Variants in KLHL32 observed in about 807,000 individuals in gnomAD.
The protein encoded by KLHL32 is kelch like family member 32, also known as kelch-like protein 32.
In KLHL32, 35 loss-of-function variants were observed where a neutral mutation model predicts 64.8. The observed-to-expected ratio is 0.54, with a 90% confidence interval of 0.41 to 0.72. KLHL32 has a LOEUF of 0.72. Ranked by LOEUF, KLHL32 falls within the 30% of genes least tolerant of loss-of-function variation. KLHL32 has a pLI of 0.00. For synonymous variants in KLHL32, 259 were observed against 281.0 expected, an observed-to-expected ratio of 0.92 and a Z score of 0.78; for missense variants, 589 against 768.5, an observed-to-expected ratio of 0.77 and a Z score of 2.76.
chr6:97,040,784 T>C (rs1784997051), intron 3 of KLHL32, among the ~76,000 whole-genome samples: 1 of 152,176 alleles, frequency 6.6e-6, no homozygotes, highest in Non-Finnish European at 1.5e-5. Flanking sequence ...ATTTCCCCCA[T>C]GCTGTTCTCA....
chr6:97,039,234 C>T (rs1784755961), intron 3 of KLHL32, among the ~76,000 whole-genome samples: 1 of 152,058 alleles, frequency 6.6e-6, no homozygotes, highest in East Asian at 1.9e-4. Flanking sequence ...TCATTTGCAG[C>T]AATGTGGATG....
At chr6:96,907,210 G>A in the KLHL32 span, among the ~76,000 whole-genome samples, 1 of 152,050 alleles carries the variant, frequency 6.6e-6, no homozygotes, top group Admixed American at 6.6e-5. Context: ...AAATGTGTAG[G>A]GTTTAGTACA....
Position 97,130,717 on chromosome 6 carries a change from G to T in KLHL32, c.1414-40G>T, listed in dbSNP as rs145941320. On this transcript the variant is annotated intron_variant, in intron 8 of 10. Transcript: ENST00000369261. The stretch of plus-strand genomic sequence containing the variant: ...CTCGTTGCTGTTTTCTGACATGGAG[G>T]TCTCCTACTAACAGAATACACTTAA... 361 of 1,529,686 alleles carry T rather than the reference G, an allele frequency of 2.4e-4. 1 individual carries two copies. The Middle Eastern group carries it at 2.5e-3, about 10-fold the overall frequency. 94.8% of individuals were successfully genotyped at this position (1,529,686 alleles called of 1,614,324 possible).
intron 1 of KLHL32, among the ~76,000 whole-genome samples, chr6:96,956,935 C>T (rs1773348465): frequency 6.6e-6 from 1 of 152,124 alleles, no homozygotes; most frequent in South Asian, 2.1e-4. Flanking sequence ...AAATACACCT[C>T]CAATTTTAGA....
chr6:96,966,968 C>T, intron 1 of KLHL32, 28 bp from the exon 2 acceptor site: 2 of 1,158,570 alleles, frequency 1.7e-6, no homozygotes, highest in South Asian at 1.3e-5. Context: ...TAGCTCAATG[C>T]ACCCTTTTCT....
chr6:97,026,457 G>T (rs1243301939), intron 3 of KLHL32, among the ~76,000 whole-genome samples: 3 of 152,164 alleles, frequency 2.0e-5, no homozygotes, highest in Non-Finnish European at 2.9e-5. Context: ...TTAGGAAGGT[G>T]CCAGGGAAAT....
chr6:97,127,364 T>C (rs1176690741), intron 7 of KLHL32, 40 bp from the exon 8 acceptor site: 4 of 1,518,822 alleles, frequency 2.6e-6, no homozygotes, highest in Middle Eastern at 1.7e-4. Flanking sequence ...ATCCTATTTT[T>C]TATTCATGAA....
intron 10 of KLHL32, among the ~76,000 whole-genome samples, chr6:97,138,640 T>A (rs1167934654): frequency 6.6e-6 from 1 of 152,168 alleles, no homozygotes; most frequent in Admixed American, 6.5e-5. Flanking sequence ...CAGAATCGAC[T>A]GAATTTTGAA....
At chr6:96,982,164 A>G (rs1582570474) in intron 3 of KLHL32, among the ~76,000 whole-genome samples, 1 of 152,158 alleles carries the variant, frequency 6.6e-6, no homozygotes, top group Non-Finnish European at 1.5e-5. Flanking sequence ...GAAGTCTCCC[A>G]GTATTATTAT....
chr6:97,001,717 C>G (rs1368215392), intron 3 of KLHL32, among the ~76,000 whole-genome samples: 1 of 152,146 alleles, frequency 6.6e-6, no homozygotes, highest in Non-Finnish European at 1.5e-5. Context: ...AAATGTATTC[C>G]TTTGAAGAAC....
At chr6:96,958,586 G>A (rs776692871) in intron 1 of KLHL32, among the ~76,000 whole-genome samples, 1 of 152,180 alleles carries the variant, frequency 6.6e-6, no homozygotes, top group South Asian at 2.1e-4. Flanking sequence ...AATTTAAGAA[G>A]TTTGACTTTA....
intron 5 of KLHL32, among the ~76,000 whole-genome samples, chr6:97,068,207 A>G (rs1403738188): frequency 6.6e-6 from 1 of 152,154 alleles, no homozygotes; most frequent in East Asian, 1.9e-4. Flanking sequence ...ATTTTGTATC[A>G]CCTTGCCCAA....
At chr6:96,953,774 C>T (rs1267897627) in intron 1 of KLHL32, among the ~76,000 whole-genome samples, 2 of 147,156 alleles carry the variant, frequency 1.4e-5, no homozygotes, top group African/African-American at 5.1e-5. Flanking sequence ...ATGGTTATGA[C>T]AATCTAAATG....
At chr6:96,992,458 T>C (rs1030545355) in intron 3 of KLHL32, among the ~76,000 whole-genome samples, 4 of 152,230 alleles carry the variant, frequency 2.6e-5, no homozygotes, top group Admixed American at 6.5e-5. Context: ...TACTCACTAC[T>C]CTCTTCTCTC....
intron 6 of KLHL32, among the ~76,000 whole-genome samples, chr6:97,096,617 G>A (rs1216399814): frequency 6.6e-6 from 1 of 152,160 alleles, no homozygotes; most frequent in Admixed American, 6.5e-5. Flanking sequence ...CTTTTCCCCA[G>A]ATATTCTTTT....
upstream of KLHL32, among the ~76,000 whole-genome samples, chr6:96,922,340 G>A (rs925873669): frequency 3.3e-5 from 5 of 152,110 alleles, no homozygotes; most frequent in African/African-American, 1.2e-4. Context: ...ATATTATCCT[G>A]TTGTCACTGC....
intron 1 of KLHL32, among the ~76,000 whole-genome samples, chr6:96,952,660 C>T (rs1171912593): frequency 6.6e-6 from 1 of 152,136 alleles, no homozygotes; most frequent in African/African-American, 2.4e-5. Flanking sequence ...GTGAGAGGGG[C>T]CTGAATTCTG....
At chr6:96,898,652 C>G in the KLHL32 span, among the ~76,000 whole-genome samples, 1 of 151,858 alleles carries the variant, frequency 6.6e-6, no homozygotes, top group Non-Finnish European at 1.5e-5. Context: ...TCTTTTTAAG[C>G]CTCTGTGTAA....
chr6:97,063,796 C>A (rs949821901), intron 4 of KLHL32, among the ~76,000 whole-genome samples: 1 of 152,188 alleles, frequency 6.6e-6, no homozygotes, highest in Non-Finnish European at 1.5e-5. Flanking sequence ...TCAGGAAGCA[C>A]TGGGCTGGGG....
Sources: allele counts gnomAD v4.1 joint callset (sites outside exome capture counted in the v4.1 genomes callset), GRCh38; gene constraint gnomAD v4.1.1; transcripts MANE v1.5; gene names NCBI Gene and HGNC (gene_info 2026-07-23, HGNC 2026-07-21).